PLXDC2: variants seen among roughly 807,000 people sequenced by gnomAD.
The protein encoded by PLXDC2 is plexin domain containing 2.
In PLXDC2, 40 loss-of-function variants were observed where a neutral mutation model predicts 68.9. The ratio of observed to expected loss-of-function variants is 0.58; its 90% CI spans 0.45 to 0.76. The LOEUF (loss-of-function observed/expected upper bound fraction) is 0.76, where lower values mean the gene tolerates loss of function less well. Ranked by LOEUF, PLXDC2 falls within the 30% of genes least tolerant of loss-of-function variation. The pLI, the probability that PLXDC2 is intolerant of heterozygous loss-of-function variation, is 0.00. For missense variants in PLXDC2, 644 were observed against 661.9 expected (o/e 0.97, Z 0.30); for synonymous variants, 243 against 234.2 (o/e 1.04, Z -0.34).
intron 6 of PLXDC2, among the ~76,000 whole-genome samples, chr10:20,162,909 C>CAA (rs71390763): frequency 0.059 from 5,738 of 97,942 alleles, 250 homozygotes; most frequent in Non-Finnish European, 0.066. Context: ...ACTAAAAATA[C>CAA]AAAAAAAAAA....
At chr10:19,831,878 C>A (rs1836699834) in intron 1 of PLXDC2, among the ~76,000 whole-genome samples, 1 of 152,150 alleles carries the variant, frequency 6.6e-6, no homozygotes, top group Non-Finnish European at 1.5e-5. Context: ...AATAGTACTG[C>A]AATGCATGTC....
intron 4 of PLXDC2, among the ~76,000 whole-genome samples, chr10:20,087,971 A>G (rs1833223466): frequency 6.6e-6 from 1 of 152,210 alleles, no homozygotes; most frequent in South Asian, 2.1e-4. Context: ...CTTGAACGCT[A>G]ATGAAGTGCA....
intron 2 of PLXDC2, among the ~76,000 whole-genome samples, chr10:20,021,899 A>G (rs552249387): frequency 4.6e-5 from 7 of 151,940 alleles, no homozygotes; most frequent in Non-Finnish European, 1.0e-4. Context: ...GGGCTTCACC[A>G]CGTTGGTCAG....
chr10:19,988,960 T>A (rs554041327), intron 1 of PLXDC2, among the ~76,000 whole-genome samples: 2 of 151,956 alleles, frequency 1.3e-5, no homozygotes, highest in South Asian at 2.1e-4. Flanking sequence ...CACACCTGGC[T>A]AAATTTTGTA....
intron 1 of PLXDC2, among the ~76,000 whole-genome samples, chr10:19,931,903 T>C (rs1235832062): frequency 2.0e-5 from 3 of 152,136 alleles, no homozygotes; most frequent in South Asian, 2.1e-4. Context: ...TCAGGAAATA[T>C]ACTTAATGAA....
chr10:19,881,274 C>T (rs750041905), intron 1 of PLXDC2, among the ~76,000 whole-genome samples: 1 of 152,114 alleles, frequency 6.6e-6, no homozygotes, highest in Non-Finnish European at 1.5e-5. Context: ...TGCCACCATG[C>T]CTGGCTAATC....
chr10:20,000,404 C>G (rs552226714), intron 1 of PLXDC2, among the ~76,000 whole-genome samples: 1 of 151,714 alleles, frequency 6.6e-6, no homozygotes, highest in Admixed American at 6.6e-5. Flanking sequence ...CTTTTGAGCT[C>G]TAACATTCTA....
intron 9 of PLXDC2, among the ~76,000 whole-genome samples, chr10:20,180,161 G>C (rs1036297025): frequency 2.0e-5 from 3 of 151,978 alleles, no homozygotes; most frequent in African/African-American, 7.2e-5. Context: ...GTTTCTTTAA[G>C]ATTACTGGGG....
chr10:20,180,435 C>A (rs1230364299), intron 9 of PLXDC2, among the ~76,000 whole-genome samples: 1 of 152,044 alleles, frequency 6.6e-6, no homozygotes, highest in South Asian at 2.1e-4. Context: ...TCTCCTTAGA[C>A]CTGTAATCTT....
At position 20,229,254 on chromosome 10, in the gene PLXDC2, A is replaced by G. The variant is rs150051219; in HGVS notation, c.1312+10152A>G. On this transcript the variant is annotated intron_variant, in intron 12 of 13. Transcript: ENST00000377252. ...TCTAAGATTGCTCTTTTCTCCATAT[A>G]GTAAGACACAAGTAATATGGTGAGA... Among the ~76,000 whole-genome samples, 146 of 152,208 alleles carry G rather than the reference A, an allele frequency of 9.6e-4. 2 individuals are homozygous for G. In the East Asian group the frequency reaches 0.022, roughly 23 times the overall value.
intron 4 of PLXDC2, among the ~76,000 whole-genome samples, chr10:20,108,951 A>G (rs1013944007): frequency 4.6e-5 from 7 of 152,314 alleles, no homozygotes; most frequent in African/African-American, 1.7e-4. Context: ...TATAAAATAA[A>G]GGCTGTAAAG....
At chr10:19,845,518 G>C (rs777607772) in intron 1 of PLXDC2, among the ~76,000 whole-genome samples, 5 of 152,186 alleles carry the variant, frequency 3.3e-5, no homozygotes, top group Non-Finnish European at 7.3e-5. Context: ...AATTAGTAGT[G>C]ATGCAGGGCA....
At chr10:19,952,914 T>A (rs551741492) in intron 1 of PLXDC2, among the ~76,000 whole-genome samples, 12 of 152,176 alleles carry the variant, frequency 7.9e-5, no homozygotes, top group Non-Finnish European at 1.5e-4. Flanking sequence ...TTTCTTCTTT[T>A]TTTTTGTTTT....
At position 20,281,347 on chromosome 10, in the gene PLXDC2, C is replaced by G. The variant is rs548437560; in HGVS notation, c.*1528C>G. On this transcript the variant is annotated 3_prime_UTR_variant, in exon 14 of 14. Transcript: ENST00000377252. The stretch of plus-strand genomic sequence containing the variant: ...TTCAGGTACTGAGTGTACAATTTCA[C>G]CAACATTCTAACCCATGAAACTTTT... 1.3e-5 allele frequency: 2 copies of G among 152,106 alleles called. No individual in the cohort carries two copies. The highest frequency in any genetic ancestry group is 2.9e-5 in the Non-Finnish European group (2 of 68,004). 9.4% of individuals were successfully genotyped at this position (152,106 alleles called of 1,614,324 possible).
At chr10:20,096,154 G>GGT (rs1318962077) in intron 4 of PLXDC2, among the ~76,000 whole-genome samples, 1 of 152,078 alleles carries the variant, frequency 6.6e-6, no homozygotes, top group Non-Finnish European at 1.5e-5. Context: ...AGGAGGGCAC[G>GGT]GTGTGACCTT....
At chr10:20,225,372 T>C (rs1192369393) in intron 12 of PLXDC2, among the ~76,000 whole-genome samples, 1 of 152,176 alleles carries the variant, frequency 6.6e-6, no homozygotes, top group Non-Finnish European at 1.5e-5. Context: ...TACTTTTTGT[T>C]GATTTTTTTT....
chr10:19,963,133 T>C (rs1444029920), intron 1 of PLXDC2, among the ~76,000 whole-genome samples: 2 of 152,146 alleles, frequency 1.3e-5, no homozygotes, highest in African/African-American at 4.8e-5. Context: ...ATACATCAGG[T>C]TTACAATATT....
At chr10:20,050,347 CA>C (rs1835874894) in intron 3 of PLXDC2, among the ~76,000 whole-genome samples, 1 of 151,916 alleles carries the variant, frequency 6.6e-6, no homozygotes, top group Non-Finnish European at 1.5e-5. Context: ...ACAATGAAAG[CA>C]AAAATTAACA....
intron 1 of PLXDC2, among the ~76,000 whole-genome samples, chr10:19,946,377 T>A (rs577922595): frequency 2.1e-4 from 32 of 152,272 alleles, no homozygotes; most frequent in Middle Eastern, 3.4e-3. Context: ...ATATGTTGTT[T>A]GTAGTAGGAA....
Sources: gnomAD v4.1 joint callset for allele counts (sites outside exome capture counted in the v4.1 genomes callset) on GRCh38, gnomAD v4.1.1 for gene constraint, MANE v1.5 for transcripts, NCBI Gene and HGNC (gene_info 2026-07-23, HGNC 2026-07-21) for gene names.